Variants in NTRK2 observed in about 807,000 individuals in gnomAD.
NTRK2 encodes the protein neurotrophic receptor tyrosine kinase 2.
A neutral mutation model predicts 94.5 loss-of-function variants in NTRK2; 13 were observed. The ratio of observed to expected loss-of-function variants is 0.14; its 90% confidence interval spans 0.09 to 0.22. NTRK2 has a LOEUF of 0.22. Ranked by LOEUF, NTRK2 falls within the 10% of genes least tolerant of loss-of-function variation. The pLI, the probability that NTRK2 is intolerant of heterozygous loss-of-function variation, is 1.00. For synonymous variants in NTRK2, 372 were observed against 407.4 expected (o/e 0.91, Z 1.05); for missense variants, 639 against 1,071.2 (o/e 0.60, Z 5.63).
rs150022152 is a variant in NTRK2, at chr9:84,945,011, C to T, written c.1765-3451C>T. Among the ~76,000 whole-genome samples, 86 of 152,312 alleles carry T rather than the reference C, an allele frequency of 5.6e-4. 1 individual carries two copies. The highest frequency in any genetic ancestry group is 1.0e-3 in the Non-Finnish European group (69 of 68,022). On this transcript the variant is annotated intron_variant, in intron 15 of 18. Transcript: ENST00000277120. The stretch of plus-strand genomic sequence containing the variant: ...GGATTTGAACCTGCTTCTTCTGATG[C>T]TAAGCTAGAACCCCTTCCGTTTGAG...
intron 17 of NTRK2, 40 bp downstream of exon 17, chr9:84,955,557 T>C (rs1414850073): frequency 6.6e-7 from 1 of 1,507,892 alleles, no homozygotes; most frequent in East Asian, 2.3e-5. Flanking sequence ...GGGACCTCTT[T>C]CCCTGCGGGA....
At chr9:84,882,717 T>TGCGCGCGCGCGCGCGC (rs1010534010) in intron 14 of NTRK2, among the ~76,000 whole-genome samples, 5 of 143,946 alleles carry the variant, frequency 3.5e-5, no homozygotes, top group African/African-American at 8.1e-5. Context: ...TGTGTGTGTG[T>TGCGCGCGCGCGCGCGC]GTGCGCGCGC....
At chr9:84,864,867 A>T (rs2075515276) in intron 13 of NTRK2, among the ~76,000 whole-genome samples, 2 of 148,510 alleles carry the variant, frequency 1.3e-5, no homozygotes, top group Admixed American at 6.9e-5. Flanking sequence ...CAGCCCCCCG[A>T]GTAGTTGGGA....
At position 84,882,475 on chromosome 9, in the gene NTRK2, A is replaced by G. The variant is rs184237044; in HGVS notation, c.1633+15044A>G. On this transcript the variant is annotated intron_variant, in intron 14 of 18. Transcript: ENST00000277120. ...CTGCCAAGGGCCAAGGTGATTTGGA[A>G]GGTGATGGTAGCAAGTTACCAGGCG... Among the ~76,000 whole-genome samples, 3 of 152,346 alleles carry G rather than the reference A, an allele frequency of 2.0e-5. No homozygotes were observed. In the East Asian group the frequency reaches 5.8e-4, roughly 29 times the overall value.
chr9:84,824,185 C>T (rs976552895), intron 12 of NTRK2, among the ~76,000 whole-genome samples: 14 of 152,264 alleles, frequency 9.2e-5, no homozygotes, highest in Non-Finnish European at 1.8e-4. Flanking sequence ...AAATGGGCTC[C>T]AATAGCTCAA....
chr9:84,851,645 AG>A (rs921290980), intron 12 of NTRK2, among the ~76,000 whole-genome samples: 14 of 152,208 alleles, frequency 9.2e-5, no homozygotes, highest in African/African-American at 2.9e-4. Flanking sequence ...GTCACTAAAA[AG>A]AAAGACAAAG....
At chr9:84,793,848 A>G (rs1158840543) in intron 12 of NTRK2, among the ~76,000 whole-genome samples, 1 of 152,232 alleles carries the variant, frequency 6.6e-6, no homozygotes, top group Admixed American at 6.5e-5. Context: ...GAATACAGCC[A>G]CGTCCATTTG....
intron 6 of NTRK2, among the ~76,000 whole-genome samples, chr9:84,719,182 T>A (rs1235799929): frequency 6.6e-6 from 1 of 152,180 alleles, no homozygotes. Context: ...CCCTGACCTT[T>A]GAGTTCAAAT....
intron 2 of NTRK2, among the ~76,000 whole-genome samples, chr9:84,677,808 G>C (rs1171305369): frequency 6.6e-6 from 1 of 152,068 alleles, no homozygotes; most frequent in African/African-American, 2.4e-5. Flanking sequence ...TTCATCCTCT[G>C]TCTTCCCCAC....
chr9:84,925,456 T>C (rs890749168), intron 14 of NTRK2, among the ~76,000 whole-genome samples: 2 of 152,162 alleles, frequency 1.3e-5, no homozygotes, highest in Non-Finnish European at 2.9e-5. Flanking sequence ...CCTTCTATTG[T>C]CTTCGTGATC....
In NTRK2 at chr9:84,699,164, G is replaced by A. The variant is rs112518954; in HGVS notation, c.213-2995G>A. On this transcript the variant is annotated intron_variant, in intron 2 of 18. Transcript: ENST00000277120. ...CCATTCTCCTGCCTCAGCCTCCTGA[G>A]TAGCTGGGACTACAGGTACCCGCCA... Among the ~76,000 whole-genome samples the A allele has an allele frequency of 2.6e-3, 392 of 151,978 alleles. 1 individual carries two copies. Among genetic ancestry groups the A allele is most frequent in the Non-Finnish European group, 4.7e-3 (317 of 67,990 alleles).
intron 17 of NTRK2, among the ~76,000 whole-genome samples, chr9:84,990,710 C>A (rs927219121): frequency 1.3e-5 from 2 of 152,242 alleles, no homozygotes; most frequent in East Asian, 1.9e-4. Context: ...ACATTACGTG[C>A]GCCAGCTCCT....
chr9:84,964,295 C>T (rs1233482499), intron 17 of NTRK2, among the ~76,000 whole-genome samples: 1 of 152,168 alleles, frequency 6.6e-6, no homozygotes, highest in Non-Finnish European at 1.5e-5. Context: ...CACAGCAATG[C>T]TTACTTTAGG....
At chr9:85,004,478 GA>G (rs1830742409) in intron 17 of NTRK2, among the ~76,000 whole-genome samples, 1 of 152,146 alleles carries the variant, frequency 6.6e-6, no homozygotes, top group Admixed American at 6.5e-5. Flanking sequence ...GCTATTTCAA[GA>G]AATGGATTAA....
chr9:84,940,034 G>A (rs191498373), intron 15 of NTRK2, among the ~76,000 whole-genome samples: 10 of 152,130 alleles, frequency 6.6e-5, no homozygotes, highest in Non-Finnish European at 1.0e-4. Flanking sequence ...GGCTTATCTT[G>A]GGCTGTGTCA....
chr9:85,009,743 A>G (rs545466138), intron 17 of NTRK2, among the ~76,000 whole-genome samples: 18 of 152,312 alleles, frequency 1.2e-4, no homozygotes, highest in African/African-American at 2.2e-4. Context: ...TATGTGTTAC[A>G]TATATCAGAG....
chr9:84,784,342 T>C (rs530610781), intron 12 of NTRK2, among the ~76,000 whole-genome samples: 1 of 152,358 alleles, frequency 6.6e-6, no homozygotes, highest in Admixed American at 6.5e-5. Flanking sequence ...GTGGGAATGT[T>C]CAATATCTTC....
chr9:84,744,999 G>C lies in NTRK2; in HGVS notation c.1222G>C (p.Gly408Arg). 1 of 1,613,670 alleles carries C rather than the reference G, an allele frequency of 6.2e-7. No individual in the cohort carries two copies. Among genetic ancestry groups the C allele is most frequent in the Non-Finnish European group, 8.5e-7 (1 of 1,179,888 alleles). Reference sequence around the variant, plus strand: ...TTATGGAACTGCAGCGAATGACATCGGGGACACCACGAACAGAAGTAATGA... The same window carrying C: ...TTATGGAACTGCAGCGAATGACATCCGGGACACCACGAACAGAAGTAATGA... ...EDYGTAANDI[G>R]DTTNRSNEIP... is the part of the protein sequence containing the mutation. The change falls in exon 11 of 19, where the codon GGG becomes CGG. Residue 408 changes from glycine (G) to arginine (R), a missense_variant. This residue lies in a region of NTRK2 where 343 missense variants were observed against 571.5 expected (regional missense o/e 0.60). Transcript: ENST00000277120.
At chr9:85,003,557 C>A (rs533053530) in intron 17 of NTRK2, among the ~76,000 whole-genome samples, 2 of 152,244 alleles carry the variant, frequency 1.3e-5, no homozygotes, top group South Asian at 4.2e-4. Context: ...AGCTGAGCTG[C>A]ACCTGTGTCA....
Sources: allele counts gnomAD v4.1 joint callset (sites outside exome capture counted in the v4.1 genomes callset), GRCh38; gene constraint gnomAD v4.1.1; regional missense constraint gnomAD v4.1.1; transcripts MANE v1.5; gene names NCBI Gene and HGNC (gene_info 2026-07-23, HGNC 2026-07-21).